NFIA: variants seen among roughly 807,000 people sequenced by gnomAD.
NFIA encodes nuclear factor 1 A-type.
In NFIA, 8 loss-of-function variants were observed where a neutral mutation model predicts 62.8. That is an observed-to-expected ratio of 0.13 (90% CI 0.07 to 0.23). The LOEUF is 0.23. NFIA is among the 10% of genes least tolerant of loss of function. The pLI is 1.00. For synonymous variants in NFIA, 235 were observed against 238.1 expected (o/e 0.99, Z 0.12); for missense variants, 410 against 642.1 (o/e 0.64, Z 3.91).
chr1:61,082,756 C>G lies in NFIA; in HGVS notation c.-36C>G. The G allele has an allele frequency of 6.4e-7, 1 of 1,552,914 alleles. No individual in the cohort carries two copies. Among genetic ancestry groups the G allele is most frequent in the South Asian group, 1.2e-5 (1 of 84,156 alleles). ...CTCACGCACACCTCCAAACCGCACA[C>G]CCAGACGCACACGCATACCCCAGCG... On this transcript the variant is annotated 5_prime_UTR_variant, in exon 1 of 11. Transcript: ENST00000403491.
chr1:61,235,812 CAA>C (rs199585835), intron 2 of NFIA, among the ~76,000 whole-genome samples: 5,905 of 106,310 alleles, frequency 0.056, 160 homozygotes, highest in Non-Finnish European at 0.081. Flanking sequence ...GATCCTGTCT[CAA>C]AAAAAAAAAA....
At chr1:61,098,686 G>T (rs562382385) in intron 2 of NFIA, among the ~76,000 whole-genome samples, 1 of 152,072 alleles carries the variant, frequency 6.6e-6, no homozygotes, top group Admixed American at 6.5e-5. Context: ...CATACTTTTA[G>T]AAGTCTCTCC....
intron 3 of NFIA, among the ~76,000 whole-genome samples, chr1:61,305,733 A>G (rs2100338166): frequency 1.3e-5 from 2 of 152,288 alleles, no homozygotes; most frequent in South Asian, 4.1e-4. Context: ...GTCCCGTTTA[A>G]CAGAAGAAGA....
intron 2 of NFIA, among the ~76,000 whole-genome samples, chr1:61,213,451 G>A (rs776107151): frequency 6.6e-6 from 1 of 152,196 alleles, no homozygotes; most frequent in African/African-American, 2.4e-5. Context: ...CCCTGTTCAT[G>A]ATGGGCCTGT....
At chr1:61,156,872 A>G (rs1427664666) in intron 2 of NFIA, among the ~76,000 whole-genome samples, 1 of 152,252 alleles carries the variant, frequency 6.6e-6, no homozygotes, top group East Asian at 1.9e-4. Context: ...AGGGCATGGC[A>G]ACTCACATAG....
intron 2 of NFIA, among the ~76,000 whole-genome samples, chr1:61,146,390 TG>T (rs1408631294): frequency 6.6e-6 from 1 of 152,212 alleles, no homozygotes; most frequent in Non-Finnish European, 1.5e-5. Context: ...CCAGTGTCCC[TG>T]GGCTGAGCTG....
intron 2 of NFIA, among the ~76,000 whole-genome samples, chr1:61,194,312 T>C (rs907129036): frequency 6.6e-6 from 1 of 152,166 alleles, no homozygotes; most frequent in Non-Finnish European, 1.5e-5. Context: ...TGTTATTTTC[T>C]AGTATTTTTA....
At chr1:61,319,125 T>G (rs898959133) in intron 3 of NFIA, among the ~76,000 whole-genome samples, 2 of 152,104 alleles carry the variant, frequency 1.3e-5, no homozygotes, top group African/African-American at 4.8e-5. Context: ...TATAATTCAT[T>G]GAGGGTTTTA....
At chr1:61,292,562 A>C (rs1173340342) in intron 3 of NFIA, among the ~76,000 whole-genome samples, 5 of 152,194 alleles carry the variant, frequency 3.3e-5, no homozygotes, top group Admixed American at 1.3e-4. Context: ...ATTTAGGCAG[A>C]TAGTTGCATA....
rs1486041375 is a variant in NFIA, at chr1:61,461,415, C to T, written c.*6095C>T. The T allele has an allele frequency of 1.3e-5, 2 of 152,112 alleles. No homozygotes were observed. Among genetic ancestry groups the T allele is most frequent in the East Asian group, 1.9e-4 (1 of 5,194 alleles). The allele number at this position is 152,112 out of a possible 1,614,324, so 9.4% of individuals were successfully genotyped here. ...AAGAAAAAGAAGTTTGCTATTAACA[C>T]GGGATTTTTTTAATATACTTTTTTT... On this transcript the variant is annotated 3_prime_UTR_variant, in exon 11 of 11. Coordinates refer to ENST00000403491, the MANE Select transcript of NFIA (RefSeq NM_001134673.4).
chr1:61,170,566 G>C (rs912053019), intron 2 of NFIA, among the ~76,000 whole-genome samples: 1 of 152,128 alleles, frequency 6.6e-6, no homozygotes, highest in African/African-American at 2.4e-5. Context: ...GCTTAGGACT[G>C]TAACCAAACT....
At chr1:61,351,270 T>C (rs1403088830) in intron 4 of NFIA, among the ~76,000 whole-genome samples, 1 of 152,202 alleles carries the variant, frequency 6.6e-6, no homozygotes, top group African/African-American at 2.4e-5. Flanking sequence ...TTCTTTTCCG[T>C]TTAAGGGTAG....
intron 2 of NFIA, among the ~76,000 whole-genome samples, chr1:61,129,256 A>G (rs1359144754): frequency 1.3e-5 from 2 of 151,588 alleles, no homozygotes; most frequent in Non-Finnish European, 2.9e-5. Context: ...TTAAAATGTT[A>G]AAAGATGACA....
chr1:61,112,399 T>C (rs1156782756), intron 2 of NFIA, among the ~76,000 whole-genome samples: 4 of 152,114 alleles, frequency 2.6e-5, no homozygotes, highest in South Asian at 2.1e-4. Context: ...CTAGGTGTTA[T>C]GATGAAGGTG....
intron 2 of NFIA, among the ~76,000 whole-genome samples, chr1:61,231,184 A>G (rs901725552): frequency 6.6e-6 from 1 of 152,190 alleles, no homozygotes; most frequent in Admixed American, 6.5e-5. Context: ...TGTTTCTGAG[A>G]TAATTTTATA....
intron 7 of NFIA, among the ~76,000 whole-genome samples, chr1:61,383,660 T>C (rs35331189): frequency 6.6e-6 from 1 of 151,528 alleles, no homozygotes. Context: ...GTTCTACAAG[T>C]TGTGTGTGTG....
rs1280860558 is a variant in NFIA, at chr1:61,458,648, C to T, written c.*3328C>T. On this transcript the variant is annotated 3_prime_UTR_variant, in exon 11 of 11. Coordinates refer to ENST00000403491, the MANE Select transcript of NFIA (RefSeq NM_001134673.4). Reference sequence around the variant, plus strand: ...TTGCTTTTCTTTCTTTTTACCCCCCCTTTGGGAACTGGATTTAAGTTTAAA... The same window carrying T: ...TTGCTTTTCTTTCTTTTTACCCCCCTTTTGGGAACTGGATTTAAGTTTAAA... The T allele has an allele frequency of 1.3e-5, 2 of 149,136 alleles. No homozygotes were observed. The highest frequency in any genetic ancestry group is 4.9e-5 in the African/African-American group (2 of 40,718). The allele number at this position is 149,136 out of a possible 1,614,324, so 9.2% of individuals were successfully genotyped here. A position where few individuals can be genotyped will look rare whatever the true frequency, so the allele number is the denominator to read the frequency against.
chr1:61,179,602 A>C (rs1650616242), intron 2 of NFIA, among the ~76,000 whole-genome samples: 1 of 152,192 alleles, frequency 6.6e-6, no homozygotes, highest in Admixed American at 6.5e-5. Flanking sequence ...CTTTGAGGGC[A>C]GCTGTTTGCT....
chr1:61,268,420 C>G (rs1040559006), intron 2 of NFIA, among the ~76,000 whole-genome samples: 5 of 152,012 alleles, frequency 3.3e-5, no homozygotes, highest in Non-Finnish European at 7.4e-5. Context: ...GCCCCCACCC[C>G]CCGACACCAA....
Sources: allele counts gnomAD v4.1 joint callset (sites outside exome capture counted in the v4.1 genomes callset), GRCh38; gene constraint gnomAD v4.1.1; transcripts MANE v1.5; gene names NCBI Gene and HGNC (gene_info 2026-07-23, HGNC 2026-07-21).